Variants in CPZ observed in about 807,000 individuals in gnomAD.
The protein encoded by CPZ is carboxypeptidase Z, also known as VEZT/CPZ fusion.
A neutral mutation model predicts 61.8 loss-of-function variants in CPZ; 103 were observed. The ratio of observed to expected loss-of-function variants is 1.67; its 90% CI spans 1.42 to 1.96. CPZ has a LOEUF of 1.96. CPZ is among the 30% of genes most tolerant of loss of function. The pLI is 0.00. For missense variants in CPZ, 1,461 were observed against 914.9 expected (o/e 1.60, Z -7.70); for synonymous variants, 551 against 373.7 (o/e 1.47, Z -5.47).
chr4:8,602,547 CAT>C (rs1301207354), intron 3 of CPZ: 1 of 152,324 alleles, frequency 6.6e-6, no homozygotes, highest in Non-Finnish European at 1.5e-5. Flanking sequence ...GGGTGCCACA[CAT>C]GTGCTAGCTC....
rs1560297655 is a variant in CPZ, at chr4:8,609,054, C to CA, written c.1227+1629_1227+1630insA. Among the ~76,000 whole-genome samples, 358 of 148,600 alleles carry CA rather than the reference C, an allele frequency of 2.4e-3. No individual in the cohort carries two copies. The Middle Eastern group carries it at 0.024, about 10-fold the overall frequency. On this transcript the variant is annotated intron_variant, in intron 7 of 10. Transcript: ENST00000360986. ...TCACTCACCCATTCACTCCCTCCCT[C>CA]CCTCACTCCCTCACTCACCACTCAT...
chr4:8,605,317 T>TCCA (rs1714856552), intron 4 of CPZ, among the ~76,000 whole-genome samples: 1 of 114,626 alleles, frequency 8.7e-6, no homozygotes, highest in Non-Finnish European at 1.7e-5. Flanking sequence ...AGTCCATTCA[T>TCCA]TTATTCATCC....
At chr4:8,605,358 T>C (rs373018347) in intron 4 of CPZ, among the ~76,000 whole-genome samples, 4 of 26,622 alleles carry the variant, frequency 1.5e-4, no homozygotes, top group African/African-American at 8.1e-4. Flanking sequence ...ATTTATTCAT[T>C]CAGCCATTAC....
chr4:8,607,147 G>A (rs1577116887), intron 6 of CPZ, 120 bp from the exon 7 acceptor site: 3 of 1,258,432 alleles, frequency 2.4e-6, no homozygotes, highest in East Asian at 2.4e-5. Flanking sequence ...CTGGTGCGTT[G>A]ATGTAGAGAC....
chr4:8,619,363 G>A lies in CPZ; in HGVS notation c.1705G>A (p.Ala569Thr), dbSNP rs200426751. ...AKVIKKVIIP[A>T]RMKRAGRVDF... ...AGTCATCAAGAAAGTCATCATCCCC[G>A]CCCGGATGAAGAGGGCTGGCCGTGT... is the stretch of plus-strand genomic sequence containing the variant. Residue 569 changes from alanine (A) to threonine (T), a missense_variant, in exon 11 of 11, where the codon GCC (alanine) becomes ACC (threonine). By Grantham distance (58) the Ala-to-Thr change is moderately conservative. Coordinates refer to ENST00000360986, the MANE Select transcript of CPZ (RefSeq NM_001014447.3). 1.5e-4 allele frequency: 245 copies of A among 1,614,160 alleles called. 1 individual carries two copies. The East Asian group carries it at 3.5e-3, about 23-fold the overall frequency.
intron 2 of CPZ, chr4:8,600,897 G>A: frequency 7.9e-7 from 1 of 1,271,792 alleles, no homozygotes; most frequent in Non-Finnish European, 9.9e-7. Flanking sequence ...TGCTGCGGCT[G>A]GCTTGCTGGT....
chr4:8,615,719 A>C lies in CPZ; in HGVS notation c.1503+1221A>C, dbSNP rs917014355. Among the ~76,000 whole-genome samples the C allele has an allele frequency of 3.3e-5, 5 of 152,302 alleles. No homozygotes were observed. The South Asian group carries it at 1.0e-3, about 32-fold the overall frequency. On this transcript the variant is annotated intron_variant, in intron 9 of 10. Transcript: ENST00000360986. ...GCCAGAGGAGGAGACAGAGGGTCAGAGAGTGACATGGCCTGTCTGGTGTCG... is the reference window on the plus strand; with the variant it reads ...GCCAGAGGAGGAGACAGAGGGTCAGCGAGTGACATGGCCTGTCTGGTGTCG...
At chr4:8,593,912 G>C (rs975820200) in intron 1 of CPZ, among the ~76,000 whole-genome samples, 4 of 152,304 alleles carry the variant, frequency 2.6e-5, no homozygotes, top group South Asian at 2.1e-4. Flanking sequence ...TGTGCAGGTG[G>C]GGTGCTGCTG....
chr4:8,618,591 A>G, intron 10 of CPZ, 63 bp downstream of exon 10: 1 of 1,510,048 alleles, frequency 6.6e-7, no homozygotes, highest in Non-Finnish European at 9.1e-7. Flanking sequence ...ACACCGTGGC[A>G]GCCGGCACCC....
chr4:8,606,071 C>A lies in CPZ; in HGVS notation c.792C>A (p.Tyr264Ter), dbSNP rs200227054. Residue 264 changes from tyrosine (Y) to a stop codon, truncating the protein, a stop_gained, in exon 5 of 11, where the codon TAC becomes TAA. Transcript: ENST00000360986. LOFTEE classifies it high-confidence loss of function. Reference protein sequence around the residue: ...GREMLIYLAQYLCSEYLLGNP... With the variant: ...GREMLIYLAQ ...AGATGCTCATCTACCTAGCCCAGTA[C>A]CTGTGCTCTGAGTACCTGCTTGGTA... 4.3e-6 allele frequency: 7 copies of A among 1,614,064 alleles called. No individual in the cohort carries two copies. Among genetic ancestry groups the A allele is most frequent in the African/African-American group, 1.3e-5 (1 of 74,932 alleles).
chr4:8,599,458 T>C lies in CPZ; in HGVS notation c.94T>C (p.Cys32Arg), dbSNP rs1304780547. The C allele has an allele frequency of 1.2e-6, 2 of 1,610,886 alleles. No homozygotes were observed. Among genetic ancestry groups the C allele is most frequent in the South Asian group, 1.1e-5 (1 of 90,648 alleles). The change falls in exon 2 of 11, where the codon TGC (cysteine) becomes CGC (arginine). Residue 32 changes from cysteine to arginine, a missense_variant. By Grantham distance (180) the Cys-to-Arg change is radical (BLOSUM62 -3). Coordinates refer to ENST00000360986, the MANE Select transcript of CPZ (RefSeq NM_001014447.3). ...TGCCATGTCTCTCTTTCCAGGTGAA[T>C]GCCACAGGCCACCAGCTGCAGACAG... ...CEFERNPAGECHRPPAADSAT... is the reference protein window; with the variant it reads ...CEFERNPAGERHRPPAADSAT...
rs1716527946 is a variant in CPZ, at chr4:8,619,715, A to G, written c.*98A>G. 1 of 888,636 alleles carries G rather than the reference A, an allele frequency of 1.1e-6. No individual in the cohort carries two copies. Among genetic ancestry groups the G allele is most frequent in the Non-Finnish European group, 1.6e-6 (1 of 617,662 alleles). 55.0% of individuals were successfully genotyped at this position (888,636 alleles called of 1,614,324 possible). A position where few individuals can be genotyped will look rare whatever the true frequency, so the allele number is the denominator to read the frequency against. On this transcript the variant is annotated 3_prime_UTR_variant, in exon 11 of 11. Transcript: ENST00000360986. ...TTTGTCTGCCACAGACATCCCACAAAGCCGCTGCCATTTTATTAAAGTGTT... is the reference window on the plus strand; with the variant it reads ...TTTGTCTGCCACAGACATCCCACAAGGCCGCTGCCATTTTATTAAAGTGTT...
chr4:8,604,545 G>A (rs1292377612), intron 4 of CPZ, among the ~76,000 whole-genome samples: 3 of 152,144 alleles, frequency 2.0e-5, no homozygotes, highest in Non-Finnish European at 2.9e-5. Flanking sequence ...GCAGTGGCAC[G>A]ATCTCGGCTC....
At chr4:8,595,262 C>G (rs1714093884) in intron 1 of CPZ, among the ~76,000 whole-genome samples, 2 of 152,220 alleles carry the variant, frequency 1.3e-5, no homozygotes, top group Non-Finnish European at 2.9e-5. Flanking sequence ...CTCGTGGCTG[C>G]TGTACTGGAG....
chr4:8,612,100 G>T lies in CPZ; in HGVS notation c.1301G>T (p.Gly434Val). Residue 434 changes from glycine to valine, a missense_variant, in exon 8 of 11, where the codon GGA becomes GTA. Transcript: ENST00000360986. ...MMMDRSENRC[G>V]GNFLKRGSII... Reference sequence around the variant, plus strand: ...ATGGACAGGTCGGAGAATAGGTGTGGAGGCAATTTCCTGAAGAGGGGGAGC... The same window carrying T: ...ATGGACAGGTCGGAGAATAGGTGTGTAGGCAATTTCCTGAAGAGGGGGAGC... The T allele has an allele frequency of 6.2e-7, 1 of 1,612,438 alleles. No individual in the cohort carries two copies. Among genetic ancestry groups the T allele is most frequent in the Non-Finnish European group, 8.5e-7 (1 of 1,179,372 alleles).
At chr4:8,599,346 G>A (rs1714404037) in intron 1 of CPZ, 107 bp from the exon 2 acceptor site, 1 of 1,309,944 alleles carries the variant, frequency 7.6e-7, no homozygotes, top group East Asian at 2.8e-5. Context: ...CTGGCGGAGG[G>A]TGGCCTGGGC....
chr4:8,598,671 C>G (rs1714357343), intron 1 of CPZ, among the ~76,000 whole-genome samples: 1 of 152,248 alleles, frequency 6.6e-6, no homozygotes, highest in Non-Finnish European at 1.5e-5. Context: ...ATGCCGGGTT[C>G]CCCGCCTTGG....
chr4:8,601,800 C>A (rs1321451361), intron 3 of CPZ, among the ~76,000 whole-genome samples: 1 of 152,120 alleles, frequency 6.6e-6, no homozygotes, highest in African/African-American at 2.4e-5. Context: ...GTGCCCCCGC[C>A]CAGGGTGCAG....
At position 8,594,700 on chromosome 4, in the gene CPZ, A is replaced by G. The variant is rs143601409; in HGVS notation, c.88+1779A>G. Among the ~76,000 whole-genome samples, 642 of 152,364 alleles carry G rather than the reference A, an allele frequency of 4.2e-3. 5 individuals are homozygous for G. Among genetic ancestry groups the G allele is most frequent in the African/African-American group, 0.011 (476 of 41,586 alleles). On this transcript the variant is annotated intron_variant, in intron 1 of 10. Transcript: ENST00000360986. ...AACAGAAACACAAAGCCATCCACGC[A>G]CAGAATTTTATATTTTCTAGTAGCC...
Sources: allele counts gnomAD v4.1 joint callset (sites outside exome capture counted in the v4.1 genomes callset), GRCh38; gene constraint gnomAD v4.1.1; transcripts MANE v1.5; gene names NCBI Gene and HGNC (gene_info 2026-07-23, HGNC 2026-07-21).